Variants in PIAS1 observed in about 807,000 individuals in gnomAD.
PIAS1 encodes the protein E3 SUMO-protein ligase PIAS1.
A neutral mutation model predicts 71.3 loss-of-function variants in PIAS1; 6 were observed. The ratio of observed to expected loss-of-function variants is 0.08; its 90% CI spans 0.05 to 0.17. PIAS1 has a LOEUF of 0.17. Ranked by LOEUF, PIAS1 falls within the 10% of genes least tolerant of loss-of-function variation. PIAS1 has a pLI of 1.00. For synonymous variants in PIAS1, 303 were observed against 292.9 expected, an observed-to-expected ratio of 1.03 and a Z score of -0.35; for missense variants, 555 against 793.6, an observed-to-expected ratio of 0.70 and a Z score of 3.61.
At chr15:68,179,501 G>A (rs2093039204) in intron 11 of PIAS1, among the ~76,000 whole-genome samples, 1 of 148,228 alleles carries the variant, frequency 6.7e-6, no homozygotes, top group African/African-American at 2.5e-5. Flanking sequence ...ATTAAAATGT[G>A]GTAGATGGTC....
At chr15:68,115,167 A>C (rs1267496166) in intron 2 of PIAS1, among the ~76,000 whole-genome samples, 3 of 152,118 alleles carry the variant, frequency 2.0e-5, no homozygotes, top group Non-Finnish European at 4.4e-5. Context: ...AGGTTTTGGC[A>C]GTATAAATAA....
At chr15:68,092,212 T>G (rs934350506) in intron 2 of PIAS1, among the ~76,000 whole-genome samples, 6 of 152,128 alleles carry the variant, frequency 3.9e-5, no homozygotes, top group African/African-American at 1.4e-4. Flanking sequence ...CTCGCTGTAT[T>G]GCCCAGGCTG....
intron 2 of PIAS1, among the ~76,000 whole-genome samples, chr15:68,095,862 C>T (rs2092370787): frequency 6.6e-6 from 1 of 152,138 alleles, no homozygotes; most frequent in South Asian, 2.1e-4. Context: ...ACAGTGCTTG[C>T]AGCAGACCCC....
At chr15:68,108,046 T>C (rs776645133) in intron 2 of PIAS1, among the ~76,000 whole-genome samples, 3 of 152,198 alleles carry the variant, frequency 2.0e-5, no homozygotes, top group Non-Finnish European at 4.4e-5. Flanking sequence ...TCAATTTATA[T>C]AACCAAAGAT....
chr15:68,106,708 A>G (rs2092473359), intron 2 of PIAS1, among the ~76,000 whole-genome samples: 2 of 151,994 alleles, frequency 1.3e-5, no homozygotes, highest in South Asian at 4.1e-4. Flanking sequence ...GTTTCCTCCT[A>G]ATATTATCTA....
At chr15:68,110,742 A>G (rs999809046) in intron 2 of PIAS1, among the ~76,000 whole-genome samples, 2 of 147,498 alleles carry the variant, frequency 1.4e-5, no homozygotes, top group Non-Finnish European at 3.0e-5. Flanking sequence ...CTGTCTCCAG[A>G]AAAAAAAAAG....
chr15:68,102,055 C>G (rs1227264670), intron 2 of PIAS1, among the ~76,000 whole-genome samples: 1 of 152,126 alleles, frequency 6.6e-6, no homozygotes, highest in Non-Finnish European at 1.5e-5. Flanking sequence ...ACCTCTCTGC[C>G]TGACTTTAGA....
At chr15:68,164,061 A>G (rs971449351) in intron 7 of PIAS1, among the ~76,000 whole-genome samples, 1 of 152,146 alleles carries the variant, frequency 6.6e-6, no homozygotes, top group African/African-American at 2.4e-5. Context: ...CTTAAGAACC[A>G]TAAGAAGTTT....
intron 2 of PIAS1, among the ~76,000 whole-genome samples, chr15:68,094,144 T>C (rs2092355016): frequency 6.6e-6 from 1 of 151,222 alleles, no homozygotes; most frequent in Non-Finnish European, 1.5e-5. Flanking sequence ...ATATATATAT[T>C]TGAATTTTCC....
rs71725124 is a variant in PIAS1, at chr15:68,167,191, T to TTG, written c.1008+2409_1008+2410dup. Among the ~76,000 whole-genome samples, 79,475 of 149,470 alleles carry TTG rather than the reference T, an allele frequency of 0.53. 21,434 individuals are homozygous for TTG. The highest frequency in any genetic ancestry group is 0.59 in the Middle Eastern group (170 of 286). On this transcript the variant is annotated intron_variant, in intron 8 of 13. Transcript: ENST00000249636. This position sits in a 1 kb window ranked among gnomAD's most constrained non-coding sequence, Gnocchi z 4.4. ...AAAACAAAACAACTATATATGTATA[T>TTG]TGTGTGTGTGTGTGTGTGTGTGTAT...
chr15:68,181,467 T>G (rs1414388770), intron 12 of PIAS1, 113 bp downstream of exon 12: 3 of 999,660 alleles, frequency 3.0e-6, no homozygotes, highest in Admixed American at 2.4e-5. Flanking sequence ...CAACAGGGCC[T>G]TGGACCCAGG....
chr15:68,106,764 G>A (rs1474548113), intron 2 of PIAS1, among the ~76,000 whole-genome samples: 1 of 152,182 alleles, frequency 6.6e-6, no homozygotes, highest in Non-Finnish European at 1.5e-5. Flanking sequence ...AGGGGGATTA[G>A]GCTCTAACGT....
chr15:68,182,710 A>G (rs1265711478), intron 12 of PIAS1, among the ~76,000 whole-genome samples: 1 of 152,156 alleles, frequency 6.6e-6, no homozygotes, highest in Non-Finnish European at 1.5e-5. Context: ...GTGAGCCACT[A>G]CGGCCAGCCA....
Position 68,173,553 on chromosome 15 carries a change from A to G in PIAS1, c.1009-179A>G, listed in dbSNP as rs2093004435. ...GTTTGATAGCCAAAGAAATACTGTC[A>G]TTTTTTAACCTATGGATATTTCACA... On this transcript the variant is annotated intron_variant, in intron 8 of 13. Coordinates refer to ENST00000249636, the MANE Select transcript of PIAS1 (RefSeq NM_016166.3). The surrounding 1 kb of genome is among the most constrained non-coding windows in gnomAD (Gnocchi z 4.3). Among the ~76,000 whole-genome samples, 1 of 152,130 alleles carries G rather than the reference A, an allele frequency of 6.6e-6. No homozygotes were observed. The highest frequency in any genetic ancestry group is 2.1e-4 in the South Asian group (1 of 4,830).
chr15:68,077,400 T>C (rs1046468690), intron 1 of PIAS1, among the ~76,000 whole-genome samples: 1 of 152,342 alleles, frequency 6.6e-6, no homozygotes. Flanking sequence ...GGGGTCTAGC[T>C]AGTTGAAGGA....
At chr15:68,138,005 G>A (rs751917567) in intron 2 of PIAS1, among the ~76,000 whole-genome samples, 8 of 151,968 alleles carry the variant, frequency 5.3e-5, no homozygotes, top group Non-Finnish European at 7.4e-5. Context: ...AAAATTAGTC[G>A]GGCATGGTGG....
intron 1 of PIAS1, among the ~76,000 whole-genome samples, chr15:68,075,078 C>CTTTTTTTTTTTT (rs146114696): frequency 5.7e-4 from 47 of 81,766 alleles, no homozygotes; most frequent in East Asian, 2.2e-3. Flanking sequence ...TTCTTTCTTT[C>CTTTTTTTTTTTT]TTTTTTTTTT....
In PIAS1 at chr15:68,148,646, C is replaced by G. The variant is rs879580836; in HGVS notation, c.828+1946C>G. On this transcript the variant is annotated intron_variant, in intron 6 of 13. Coordinates refer to ENST00000249636, the MANE Select transcript of PIAS1 (RefSeq NM_016166.3). ...GTTTCACCATCTTGGCCAGGCTGGT[C>G]TTGAACTCCTGACCTTGTGATCCAC... 3.3e-5 allele frequency among the ~76,000 whole-genome samples: 5 copies of G among 152,326 alleles called. No individual in the cohort carries two copies. The East Asian group carries it at 9.7e-4, about 29-fold the overall frequency.
intron 2 of PIAS1, among the ~76,000 whole-genome samples, chr15:68,120,807 AC>A (rs2092607345): frequency 1.3e-5 from 2 of 152,114 alleles, no homozygotes; most frequent in South Asian, 4.2e-4. Context: ...GGCACCCGCC[AC>A]CACGCCTGGC....
Sources: allele counts gnomAD v4.1 joint callset (sites outside exome capture counted in the v4.1 genomes callset), GRCh38; gene constraint gnomAD v4.1.1; non-coding constraint Gnocchi (gnomAD v3.1); transcripts MANE v1.5; gene names NCBI Gene and HGNC (gene_info 2026-07-23, HGNC 2026-07-21).